Variants in ALPL observed in about 807,000 individuals in gnomAD.
The protein encoded by ALPL is alkaline phosphatase, tissue-nonspecific isozyme.
ALPL carries 42 observed loss-of-function variants against 51.3 expected under a neutral mutation model. The ratio of observed to expected loss-of-function variants is 0.82; its 90% CI spans 0.64 to 1.06. The LOEUF is 1.06. ALPL is among the 50% of genes least tolerant of loss of function. ALPL has a pLI of 0.00. For missense variants in ALPL, 589 were observed against 709.4 expected, an observed-to-expected ratio of 0.83 and a Z score of 1.93; for synonymous variants, 279 against 296.4, an observed-to-expected ratio of 0.94 and a Z score of 0.60.
At chr1:21,546,262 T>C (rs974786716) in intron 1 of ALPL, among the ~76,000 whole-genome samples, 2 of 152,206 alleles carry the variant, frequency 1.3e-5, no homozygotes, top group African/African-American at 2.4e-5. Context: ...TTTCCTGTTA[T>C]GGTGAGGTCA....
chr1:21,510,921 C>T (rs1405071870), intron 1 of ALPL, among the ~76,000 whole-genome samples: 2 of 152,214 alleles, frequency 1.3e-5, no homozygotes, highest in African/African-American at 2.4e-5. Flanking sequence ...GGCCCCTGGA[C>T]ACAGCTTCTC....
chr1:21,538,185 C>T (rs893204742), intron 1 of ALPL, among the ~76,000 whole-genome samples: 5 of 152,146 alleles, frequency 3.3e-5, no homozygotes, highest in Admixed American at 2.0e-4. Flanking sequence ...CAGGATGGTC[C>T]CCATTTGACG....
intron 1 of ALPL, among the ~76,000 whole-genome samples, chr1:21,529,955 T>C (rs1644006192): frequency 6.6e-6 from 1 of 152,114 alleles, no homozygotes; most frequent in Non-Finnish European, 1.5e-5. Flanking sequence ...TTGTATTTTT[T>C]GTAGAGATGG....
chr1:21,546,283 T>C (rs1052891393), intron 1 of ALPL, among the ~76,000 whole-genome samples: 2 of 152,166 alleles, frequency 1.3e-5, no homozygotes, highest in African/African-American at 4.8e-5. Context: ...GTGGCCTTTC[T>C]GGGGTCAAGA....
intron 8 of ALPL, among the ~76,000 whole-genome samples, chr1:21,572,920 C>T (rs995960350): frequency 3.3e-5 from 5 of 152,210 alleles, no homozygotes; most frequent in African/African-American, 4.8e-5. Context: ...CACACTCTAG[C>T]GGCCCCATCG....
At chr1:21,543,308 C>T (rs1288575565) in intron 1 of ALPL, among the ~76,000 whole-genome samples, 1 of 151,816 alleles carries the variant, frequency 6.6e-6, no homozygotes, top group Non-Finnish European at 1.5e-5. Context: ...CTTTTTTTCC[C>T]CAACACTCCC....
intron 1 of ALPL, among the ~76,000 whole-genome samples, chr1:21,546,412 T>C (rs1305749677): frequency 6.6e-6 from 1 of 152,122 alleles, no homozygotes; most frequent in Admixed American, 6.5e-5. Flanking sequence ...AAAGGCCTGG[T>C]CTAATGGTGC....
At position 21,577,384 on chromosome 1, in the gene ALPL, T is replaced by C. The variant is rs1050277249; in HGVS notation, c.1311T>C (p.Ala437=). ...GCAGGTGTTTCCCCTGGCCCACAGCTCACAACAACTACCAGGCGCAGTCTG... is the reference window on the plus strand; with the variant it reads ...GCAGGTGTTTCCCCTGGCCCACAGCCCACAACAACTACCAGGCGCAGTCTG... ...ERENVSMVDY[A]HNNYQAQSAV... Residue 437 remains alanine (A), a splice_region_variant and synonymous_variant, in exon 12 of 12, where the codon GCT becomes GCC. Coordinates refer to ENST00000374840, the MANE Select transcript of ALPL (RefSeq NM_000478.6). The C allele has an allele frequency of 3.1e-6, 5 of 1,613,090 alleles. 1 individual carries two copies. In the Admixed American group the frequency reaches 5.0e-5, roughly 16 times the overall value.
At chr1:21,518,318 A>G (rs1038149489) in intron 1 of ALPL, among the ~76,000 whole-genome samples, 19 of 152,208 alleles carry the variant, frequency 1.2e-4, no homozygotes, top group African/African-American at 4.3e-4. Flanking sequence ...ACACTGACGG[A>G]CCACTTGTTA....
intron 1 of ALPL, among the ~76,000 whole-genome samples, chr1:21,547,636 CTT>C (rs1232079194): frequency 1.3e-5 from 2 of 152,240 alleles, no homozygotes; most frequent in African/African-American, 4.8e-5. Flanking sequence ...ACTCATTTCT[CTT>C]ACTCTTCATG....
At chr1:21,524,096 C>T (rs1430460621) in intron 1 of ALPL, among the ~76,000 whole-genome samples, 6 of 149,164 alleles carry the variant, frequency 4.0e-5, no homozygotes, top group African/African-American at 1.5e-4. Flanking sequence ...CTCCACCTCC[C>T]AGGTTCAAGC....
chr1:21,524,495 C>T (rs913279818), intron 1 of ALPL, among the ~76,000 whole-genome samples: 21 of 151,718 alleles, frequency 1.4e-4, no homozygotes, highest in African/African-American at 5.1e-4. Context: ...GATCCCATCT[C>T]TAAAAATAAA....
chr1:21,561,760 G>A (rs1167731612), intron 4 of ALPL, among the ~76,000 whole-genome samples: 9 of 147,656 alleles, frequency 6.1e-5, no homozygotes, highest in South Asian at 4.2e-4. Context: ...TCTGCCTCCC[G>A]AGTTCAAGTG....
In ALPL at chr1:21,517,741, A is replaced by G. The variant is rs558200074; in HGVS notation, c.-105+8224A>G. ...CTTCTGGCTACCCTCCCTACCACGC[A>G]TGGTTTATTTGAATGAGGCAAGGCC... On this transcript the variant is annotated intron_variant, in intron 1 of 11. Coordinates refer to ENST00000374840, the MANE Select transcript of ALPL (RefSeq NM_000478.6). 3.3e-5 allele frequency among the ~76,000 whole-genome samples: 5 copies of G among 151,986 alleles called. No individual in the cohort carries two copies. The East Asian group carries it at 9.7e-4, about 29-fold the overall frequency.
At chr1:21,538,596 G>A (rs1570220077) in intron 1 of ALPL, among the ~76,000 whole-genome samples, 2 of 152,170 alleles carry the variant, frequency 1.3e-5, no homozygotes, top group African/African-American at 2.4e-5. Context: ...CAGGGCCTGC[G>A]TGGGGCCATC....
chr1:21,531,203 C>A (rs1040942900), intron 1 of ALPL, among the ~76,000 whole-genome samples: 1 of 152,134 alleles, frequency 6.6e-6, no homozygotes, highest in Non-Finnish European at 1.5e-5. Flanking sequence ...AAGTGATCCA[C>A]CCGCCTTGGC....
intron 1 of ALPL, among the ~76,000 whole-genome samples, chr1:21,539,938 G>A (rs1310574476): frequency 6.6e-6 from 1 of 152,122 alleles, no homozygotes; most frequent in Non-Finnish European, 1.5e-5. Context: ...TTACAGGCTT[G>A]AGCCACCGCG....
At position 21,577,652 on chromosome 1, in the gene ALPL, C is replaced by A; in HGVS notation, c.*4C>A. The A allele has an allele frequency of 1.3e-6, 2 of 1,595,582 alleles. No homozygotes were observed. The highest frequency in any genetic ancestry group is 1.7e-6 in the Non-Finnish European group (2 of 1,178,170). ...CCCCCTGAGCGTCCTGTTCTGAGGGCCCAGGGCCCGGGCACCCACAAGCCC... is the reference window on the plus strand; with the variant it reads ...CCCCCTGAGCGTCCTGTTCTGAGGGACCAGGGCCCGGGCACCCACAAGCCC... On this transcript the variant is annotated 3_prime_UTR_variant, in exon 12 of 12. Coordinates refer to ENST00000374840, the MANE Select transcript of ALPL (RefSeq NM_000478.6).
intron 1 of ALPL, among the ~76,000 whole-genome samples, chr1:21,550,312 G>T (rs879230802): frequency 6.6e-6 from 1 of 152,154 alleles, no homozygotes; most frequent in Admixed American, 6.5e-5. Flanking sequence ...TCTGGAATCA[G>T]GAGCCCTGTG....
Sources: gnomAD v4.1 joint callset for allele counts (sites outside exome capture counted in the v4.1 genomes callset) on GRCh38, gnomAD v4.1.1 for gene constraint, MANE v1.5 for transcripts, NCBI Gene and HGNC (gene_info 2026-07-23, HGNC 2026-07-21) for gene names.